PDE6A: variants seen among roughly 807,000 people sequenced by gnomAD.
PDE6A encodes rod cGMP-specific 3',5'-cyclic phosphodiesterase subunit alpha.
PDE6A carries 84 observed loss-of-function variants against 106.3 expected under a neutral mutation model. The ratio of observed to expected loss-of-function variants is 0.79; its 90% CI spans 0.66 to 0.95. The LOEUF (loss-of-function observed/expected upper bound fraction) is 0.95, where lower values mean the gene tolerates loss of function less well. Among genes scored for constraint, PDE6A ranks in the 40% least tolerant of loss-of-function variants. The pLI is 0.00. For missense variants in PDE6A, 1,052 were observed against 1,084.9 expected, an observed-to-expected ratio of 0.97 and a Z score of 0.43; for synonymous variants, 394 against 386.6, an observed-to-expected ratio of 1.02 and a Z score of -0.23.
intron 3 of PDE6A, chr5:149,932,646 G>C: frequency 6.2e-7 from 1 of 1,613,212 alleles, no homozygotes; most frequent in Admixed American, 1.7e-5. Flanking sequence ...CATTTCGTAC[G>C]AATTCGACTA....
intron 6 of PDE6A, among the ~76,000 whole-genome samples, chr5:149,909,300 G>C (rs747213818): frequency 6.6e-6 from 1 of 152,144 alleles, no homozygotes; most frequent in Non-Finnish European, 1.5e-5. Context: ...AGGACTGTAG[G>C]CATGTGCCAT....
chr5:149,922,323 T>C (rs1241360186), intron 4 of PDE6A, among the ~76,000 whole-genome samples: 1 of 151,562 alleles, frequency 6.6e-6, no homozygotes, highest in Admixed American at 6.6e-5. Context: ...TTATTATTAT[T>C]ATTTTGGAGA....
Position 149,883,438 on chromosome 5 carries a change from T to G in PDE6A, c.2126A>C (p.Glu709Ala). ...QYMMLEQTRK[E>A]IVMAMMMTAC... ...CCCCATCCCAACTCACATAACGATT[T>G]CCTTCCGTGTCTGCTCCAGCATCAT... is the stretch of plus-strand genomic sequence containing the variant. Residue 709 changes from glutamate (E) to alanine (A), a missense_variant, in exon 17 of 22, where the codon GAA becomes GCA. This residue lies in a region of PDE6A where 913 missense variants were observed against 915.2 expected (regional missense o/e 1.00). Coordinates refer to ENST00000255266, the MANE Select transcript of PDE6A (RefSeq NM_000440.3). 1 of 1,610,936 alleles carries G rather than the reference T, an allele frequency of 6.2e-7. No individual in the cohort carries two copies. The highest frequency in any genetic ancestry group is 8.5e-7 in the Non-Finnish European group (1 of 1,177,064).
intron 5 of PDE6A, among the ~76,000 whole-genome samples, chr5:149,920,921 GAAGA>G (rs1050776441): frequency 3.8e-5 from 4 of 106,524 alleles, no homozygotes; most frequent in African/African-American, 1.3e-4. Context: ...AAGAAAGAAA[GAAGA>G]AAGAGAGAAA....
chr5:149,936,158 A>AAAGG (rs151028032), intron 1 of PDE6A, among the ~76,000 whole-genome samples: 18,236 of 130,586 alleles, frequency 0.14, 1,506 homozygotes, highest in Middle Eastern at 0.21. Flanking sequence ...TGTCTCTAAA[A>AAAGG]AAGGAAGGAA....
intron 1 of PDE6A, among the ~76,000 whole-genome samples, chr5:149,939,163 G>A (rs2113667054): frequency 6.6e-6 from 1 of 152,294 alleles, no homozygotes; most frequent in South Asian, 2.1e-4. Context: ...GGCCTAGACA[G>A]ACTTCACCCA....
At chr5:149,881,058 G>A (rs934869119) in intron 17 of PDE6A, among the ~76,000 whole-genome samples, 21 of 152,040 alleles carry the variant, frequency 1.4e-4, no homozygotes, top group Non-Finnish European at 2.9e-4. Context: ...GTGAGACACC[G>A]TCTCAGAAAA....
Position 149,866,246 on chromosome 5 carries a change from A to T in PDE6A, c.2282T>A (p.Met761Lys). 2 of 1,613,554 alleles carry T rather than the reference A, an allele frequency of 1.2e-6. No individual in the cohort carries two copies. Among genetic ancestry groups the T allele is most frequent in the Non-Finnish European group, 1.7e-6 (2 of 1,179,424 alleles). ...TVLQQNPIPM[M>K]DRNKADELPK... Reference sequence around the variant, plus strand: ...GAGTTCATCTGCTTTGTTTCTGTCCATCATGGGCTGTCATGGGGGAGAAAG... The same window carrying T: ...GAGTTCATCTGCTTTGTTTCTGTCCTTCATGGGCTGTCATGGGGGAGAAAG... The change falls in exon 20 of 22, where the codon ATG (methionine) becomes AAG (lysine). Residue 761 changes from methionine to lysine, a missense_variant. By Grantham distance (95) the Met-to-Lys change is moderately conservative (BLOSUM62 -1). This residue lies in a region of PDE6A where 135 missense variants were observed against 153.2 expected (regional missense o/e 0.88). Coordinates refer to ENST00000255266, the MANE Select transcript of PDE6A (RefSeq NM_000440.3).
intron 12 of PDE6A, among the ~76,000 whole-genome samples, chr5:149,895,983 T>C (rs1178164582): frequency 6.6e-6 from 1 of 152,116 alleles, no homozygotes; most frequent in Non-Finnish European, 1.5e-5. Flanking sequence ...GACCCTAGAC[T>C]CACAGCAAAC....
intron 21 of PDE6A, among the ~76,000 whole-genome samples, chr5:149,862,181 A>G (rs151194278): frequency 1.3e-5 from 2 of 152,322 alleles, no homozygotes; most frequent in African/African-American, 4.8e-5. Flanking sequence ...GAAACAGATC[A>G]CACAATCAGT....
chr5:149,889,973 TGAGAC>T (rs1752482790), intron 13 of PDE6A, among the ~76,000 whole-genome samples: 2 of 148,722 alleles, frequency 1.3e-5, no homozygotes, highest in African/African-American at 2.5e-5. Context: ...TTTTTTTTTT[TGAGAC>T]AGAGTCTTGC....
intron 1 of PDE6A, among the ~76,000 whole-genome samples, chr5:149,937,161 G>A (rs573273556): frequency 1.3e-5 from 2 of 152,274 alleles, no homozygotes; most frequent in South Asian, 4.1e-4. Flanking sequence ...GATCAAGGGA[G>A]CCAGGTATAT....
chr5:149,934,751 A>T, intron 1 of PDE6A, 33 bp from the exon 2 acceptor site: 1 of 1,612,110 alleles, frequency 6.2e-7, no homozygotes, highest in Non-Finnish European at 8.5e-7. Context: ...ACGGACAGGC[A>T]AATGAAGAGC....
At chr5:149,868,357 G>A (rs1760412228) in intron 17 of PDE6A, among the ~76,000 whole-genome samples, 199 bp from the exon 18 acceptor site, 1 of 152,228 alleles carries the variant, frequency 6.6e-6, no homozygotes, top group Non-Finnish European at 1.5e-5. Flanking sequence ...TCAGTGATCA[G>A]AGGTTGGACA....
At chr5:149,877,528 G>A (rs1760785712) in intron 17 of PDE6A, among the ~76,000 whole-genome samples, 1 of 152,158 alleles carries the variant, frequency 6.6e-6, no homozygotes, top group Admixed American at 6.5e-5. Flanking sequence ...TCCTGCCTCA[G>A]CCTCCCGAGT....
intron 4 of PDE6A, among the ~76,000 whole-genome samples, chr5:149,923,746 G>A (rs1394960023): frequency 6.6e-6 from 1 of 152,140 alleles, no homozygotes; most frequent in African/African-American, 2.4e-5. Flanking sequence ...GAGCAGCAAA[G>A]CTTGTGTGGG....
chr5:149,913,922 G>A (rs755589372), intron 6 of PDE6A, among the ~76,000 whole-genome samples: 40 of 152,220 alleles, frequency 2.6e-4, no homozygotes, highest in Admixed American at 3.3e-4. Flanking sequence ...AGGACTGAGA[G>A]CATTCTTTCC....
At chr5:149,932,633 T>A in intron 3 of PDE6A, 2 of 1,613,574 alleles carry the variant, frequency 1.2e-6, no homozygotes, top group South Asian at 2.2e-5. Context: ...CTTCAGTATA[T>A]TCCATTTCGT....
intron 7 of PDE6A, among the ~76,000 whole-genome samples, chr5:149,907,026 C>T (rs958564597): frequency 7.9e-5 from 12 of 152,186 alleles, no homozygotes; most frequent in African/African-American, 2.9e-4. Context: ...CCTGCCTCGG[C>T]CCCCCAAAGT....
Sources: gnomAD v4.1 joint callset for allele counts (sites outside exome capture counted in the v4.1 genomes callset) on GRCh38, gnomAD v4.1.1 for gene constraint, gnomAD v4.1.1 regional missense constraint, MANE v1.5 for transcripts, NCBI Gene and HGNC (gene_info 2026-07-23, HGNC 2026-07-21) for gene names.